The following TBC1D1 variants were observed in gnomAD, a reference collection of about 807,000 sequenced individuals.
TBC1D1 encodes the protein TBC1 domain family member 1.
A neutral mutation model predicts 125.6 loss-of-function variants in TBC1D1; 89 were observed. The observed-to-expected ratio is 0.71, with a 90% confidence interval of 0.60 to 0.85. The LOEUF is 0.85. Ranked by LOEUF, TBC1D1 falls within the 40% of genes least tolerant of loss-of-function variation. The pLI is 0.00. For missense variants in TBC1D1, 1,377 were observed against 1,469.2 expected, an observed-to-expected ratio of 0.94 and a Z score of 1.03; for synonymous variants, 565 against 564.1, an observed-to-expected ratio of 1.00 and a Z score of -0.02.
intron 12 of TBC1D1, among the ~76,000 whole-genome samples, chr4:38,084,571 A>C (rs1169910399): frequency 6.6e-6 from 1 of 152,210 alleles, no homozygotes; most frequent in Non-Finnish European, 1.5e-5. Flanking sequence ...TTTTTCTAAG[A>C]AATTTTGAGC....
chr4:37,987,904 G>C (rs1056489019), intron 2 of TBC1D1, among the ~76,000 whole-genome samples: 2 of 152,166 alleles, frequency 1.3e-5, no homozygotes, highest in Non-Finnish European at 2.9e-5. Flanking sequence ...TTTAGGAGTC[G>C]ATTCTGCATA....
chr4:38,009,225 AT>A (rs925827369), intron 2 of TBC1D1, among the ~76,000 whole-genome samples: 2 of 151,974 alleles, frequency 1.3e-5, no homozygotes, highest in Admixed American at 6.6e-5. Flanking sequence ...ATTACGTAGC[AT>A]TTTTTTTGTG....
intron 2 of TBC1D1, among the ~76,000 whole-genome samples, chr4:37,985,335 G>T (rs971383407): frequency 1.3e-5 from 2 of 152,130 alleles, no homozygotes; most frequent in African/African-American, 4.8e-5. Context: ...TTTTGTTGTT[G>T]GAAGAGTGGT....
intron 14 of TBC1D1, among the ~76,000 whole-genome samples, chr4:38,099,337 A>G (rs1759899909): frequency 1.3e-5 from 2 of 152,314 alleles, no homozygotes; most frequent in African/African-American, 2.4e-5. Context: ...AGAGTACAGC[A>G]TGGTCTCCTG....
At chr4:37,909,093 T>C (rs1398013525) in intron 2 of TBC1D1, among the ~76,000 whole-genome samples, 1 of 152,230 alleles carries the variant, frequency 6.6e-6, no homozygotes, top group East Asian at 1.9e-4. Context: ...CAATAAATGT[T>C]TCCTTTTGAA....
intron 18 of TBC1D1, among the ~76,000 whole-genome samples, chr4:38,131,314 C>T (rs1183866214): frequency 1.3e-5 from 2 of 152,184 alleles, no homozygotes; most frequent in African/African-American, 4.8e-5. Flanking sequence ...TAATAGTGTA[C>T]ATGACATTTA....
At chr4:37,985,093 C>T (rs981300286) in intron 2 of TBC1D1, among the ~76,000 whole-genome samples, 2 of 151,870 alleles carry the variant, frequency 1.3e-5, no homozygotes, top group Non-Finnish European at 2.9e-5. Flanking sequence ...GTTGAGACTA[C>T]AGGCACGCGC....
At chr4:37,932,274 A>T (rs1401915807) in intron 2 of TBC1D1, among the ~76,000 whole-genome samples, 2 of 152,210 alleles carry the variant, frequency 1.3e-5, no homozygotes, top group Non-Finnish European at 2.9e-5. Context: ...CTTAACTTAG[A>T]GAGGGTATAA....
chr4:37,896,832 A>G (rs960328963), intron 1 of TBC1D1, among the ~76,000 whole-genome samples: 2 of 151,914 alleles, frequency 1.3e-5, no homozygotes, highest in Non-Finnish European at 2.9e-5. Context: ...TTAAAATTTT[A>G]TGATTCTAAG....
intron 12 of TBC1D1, among the ~76,000 whole-genome samples, chr4:38,087,602 G>A (rs1757704235): frequency 2.0e-5 from 3 of 152,152 alleles, no homozygotes; most frequent in Admixed American, 2.0e-4. Flanking sequence ...AGCACTTTGG[G>A]AGGCCGAGGT....
intron 7 of TBC1D1, among the ~76,000 whole-genome samples, chr4:38,034,041 G>A (rs1560659445): frequency 2.0e-5 from 3 of 152,238 alleles, no homozygotes. Flanking sequence ...GCTGGGTTAT[G>A]TGGTAAGAAT....
intron 2 of TBC1D1, among the ~76,000 whole-genome samples, chr4:37,919,658 T>G (rs1720506839): frequency 6.6e-6 from 1 of 152,208 alleles, no homozygotes; most frequent in Admixed American, 6.5e-5. Context: ...GTTTCATAGT[T>G]TAGATATATG....
intron 2 of TBC1D1, among the ~76,000 whole-genome samples, chr4:37,905,724 C>A (rs1310658276): frequency 6.6e-6 from 1 of 152,246 alleles, no homozygotes; most frequent in Non-Finnish European, 1.5e-5. Context: ...CTATTGCAAC[C>A]ATTTGCCCTT....
At chr4:38,083,164 C>T (rs186118509) in intron 12 of TBC1D1, among the ~76,000 whole-genome samples, 8 of 152,238 alleles carry the variant, frequency 5.3e-5, no homozygotes, top group Admixed American at 5.2e-4. Context: ...AGGCTGTGCA[C>T]TCCCTGCCTG....
At chr4:37,931,883 A>G (rs921283605) in intron 2 of TBC1D1, among the ~76,000 whole-genome samples, 5 of 152,178 alleles carry the variant, frequency 3.3e-5, no homozygotes, top group Non-Finnish European at 7.3e-5. Context: ...CCTCAAATCT[A>G]ATTTACTTTG....
chr4:38,137,755 G>A lies in TBC1D1; in HGVS notation c.*420G>A. The A allele has an allele frequency of 6.3e-6, 1 of 159,404 alleles. No homozygotes were observed. The highest frequency in any genetic ancestry group is 1.8e-4 in the East Asian group (1 of 5,498). 9.9% of individuals were successfully genotyped at this position (159,404 alleles called of 1,614,324 possible). A position where few individuals can be genotyped will look rare whatever the true frequency, so the allele number is the denominator to read the frequency against. On this transcript the variant is annotated 3_prime_UTR_variant, in exon 20 of 20. Coordinates refer to ENST00000261439, the MANE Select transcript of TBC1D1 (RefSeq NM_015173.4). ...CCATCGTTCTTCCGAGAGGGTTTGTGTGGCGACTACACCCTCAGCGTCCCT... is the reference window on the plus strand; with the variant it reads ...CCATCGTTCTTCCGAGAGGGTTTGTATGGCGACTACACCCTCAGCGTCCCT...
At chr4:38,036,104 T>C (rs6818409) in intron 8 of TBC1D1, among the ~76,000 whole-genome samples, 86,961 of 152,094 alleles carry the variant, frequency 0.57, 25,940 homozygotes, top group African/African-American at 0.75. Context: ...GTGATATAAA[T>C]GCTAGGTCAC....
At chr4:37,966,392 C>A (rs2152339236) in intron 2 of TBC1D1, among the ~76,000 whole-genome samples, 1 of 152,324 alleles carries the variant, frequency 6.6e-6, no homozygotes. Flanking sequence ...GTTAGAAGAG[C>A]AATGACTCAG....
At chr4:38,111,689 G>A (rs944608755) in intron 15 of TBC1D1, among the ~76,000 whole-genome samples, 9 of 152,320 alleles carry the variant, frequency 5.9e-5, no homozygotes, top group Middle Eastern at 6.8e-3. Context: ...AAAAGCAGGG[G>A]GAGGGCCTCA....
Sources: gnomAD v4.1 joint callset for allele counts (sites outside exome capture counted in the v4.1 genomes callset) on GRCh38, gnomAD v4.1.1 for gene constraint, MANE v1.5 for transcripts, NCBI Gene and HGNC (gene_info 2026-07-23, HGNC 2026-07-21) for gene names.